The following RIPPLY3 variants were observed in gnomAD, a reference collection of about 807,000 sequenced individuals.
The protein encoded by RIPPLY3 is ripply transcriptional repressor 3.
In RIPPLY3, 8 loss-of-function variants were observed where a neutral mutation model predicts 11.9. The ratio of observed to expected loss-of-function variants is 0.67; its 90% confidence interval spans 0.40 to 1.21. The LOEUF (loss-of-function observed/expected upper bound fraction) is 1.21, where lower values mean the gene tolerates loss of function less well. RIPPLY3 is among the 50% of genes most tolerant of loss of function. The pLI, the probability that RIPPLY3 is intolerant of heterozygous loss-of-function variation, is 0.01. For synonymous variants in RIPPLY3, 102 were observed against 99.0 expected (o/e 1.03, Z -0.18); for missense variants, 271 against 246.0 (o/e 1.10, Z -0.68).
At position 37,017,897 on chromosome 21, in the gene RIPPLY3, G is replaced by C. The variant is rs531371582; in HGVS notation, c.263G>C (p.Arg88Pro). 6.2e-7 allele frequency: 1 copy of C among 1,613,302 alleles called. No homozygotes were observed. Among genetic ancestry groups the C allele is most frequent in the Non-Finnish European group, 8.5e-7 (1 of 1,179,626 alleles). The change falls in exon 4 of 4, where the codon CGT becomes CCT. Residue 88 changes from arginine to proline, a missense_variant. Physicochemically the swap from Arg to Pro is moderately radical, Grantham distance 103 (BLOSUM62 -2). Transcript: ENST00000329553. ...PVRVYLPMSK[R>P]QEYLRSSGEQ... is the part of the protein sequence containing the mutation. The stretch of plus-strand genomic sequence containing the variant: ...AGAGTCTATTTACCCATGTCAAAGC[G>C]TCAAGAATACCTGCGGAGTTCCGGG...
At chr21:37,008,663 C>T (rs1401215805) in intron 2 of RIPPLY3, among the ~76,000 whole-genome samples, 2 of 146,446 alleles carry the variant, frequency 1.4e-5, no homozygotes, top group Non-Finnish European at 3.0e-5. Context: ...GAGGCCGAGG[C>T]AGGAGAATCG....
At position 37,018,409 on chromosome 21, in the gene RIPPLY3, T is replaced by C. The variant is rs1267850021; in HGVS notation, c.*202T>C. 2 of 581,724 alleles carry C rather than the reference T, an allele frequency of 3.4e-6. No individual in the cohort carries two copies. 36.0% of individuals were successfully genotyped at this position (581,724 alleles called of 1,614,324 possible). On this transcript the variant is annotated 3_prime_UTR_variant, in exon 4 of 4. Transcript: ENST00000329553. ...TGGCAATTCGTTTTTGGTGCACTCATGCATGCCTTTGAGAAAGGATTCTAG... is the reference window on the plus strand; with the variant it reads ...TGGCAATTCGTTTTTGGTGCACTCACGCATGCCTTTGAGAAAGGATTCTAG...
At chr21:37,015,226 C>T (rs990484110) in intron 3 of RIPPLY3, among the ~76,000 whole-genome samples, 16 of 151,816 alleles carry the variant, frequency 1.1e-4, no homozygotes, top group Admixed American at 6.6e-5. Context: ...TGCAGTGGCA[C>T]GATCTCGGCT....
chr21:37,006,829 C>A lies in RIPPLY3; in HGVS notation c.57C>A (p.Cys19Ter), dbSNP rs2069468963. 1 of 1,227,516 alleles carries A rather than the reference C, an allele frequency of 8.1e-7. No individual in the cohort carries two copies. The highest frequency in any genetic ancestry group is 1.0e-6 in the Non-Finnish European group (1 of 985,222). 76.0% of individuals were successfully genotyped at this position (1,227,516 alleles called of 1,614,324 possible). A position where few individuals can be genotyped will look rare whatever the true frequency, so the allele number is the denominator to read the frequency against. The change falls in exon 1 of 4, where the codon TGC becomes TGA. Residue 19 changes from cysteine to a stop codon, truncating the protein, a stop_gained. Transcript: ENST00000329553. LOFTEE classifies it high-confidence loss of function. This position sits in a 1 kb window ranked among gnomAD's most constrained non-coding sequence, Gnocchi z 5.2. ...AGGCGCGGGGGCGCGGCTGTCACTG[C>A]CCCGGGGACGCTCCCTGGAGGCCTC... ...ARKARGRGCH[C>*]PGDAPWRPPP...
intron 1 of RIPPLY3, among the ~76,000 whole-genome samples, chr21:37,007,732 T>A (rs540597379): frequency 1.3e-5 from 2 of 152,230 alleles, no homozygotes; most frequent in South Asian, 4.2e-4. Context: ...TGTTTGTTTT[T>A]CATCCTACAA....
Position 37,013,572 on chromosome 21 carries a change from C to T in RIPPLY3, c.193C>T (p.His65Tyr). 4.3e-6 allele frequency: 7 copies of T among 1,613,810 alleles called. No individual in the cohort carries two copies. Among genetic ancestry groups the T allele is most frequent in the Non-Finnish European group, 5.9e-6 (7 of 1,179,794 alleles). Residue 65 changes from histidine (H) to tyrosine (Y), a missense_variant, in exon 3 of 4, where the codon CAC (histidine) becomes TAC (tyrosine). By Grantham distance (83) the His-to-Tyr change is moderately conservative (BLOSUM62 2). Coordinates refer to ENST00000329553, the MANE Select transcript of RIPPLY3 (RefSeq NM_018962.3). ...GRPLEPRADQ[H>Y]TFGSKGAFGF... Reference sequence around the variant, plus strand: ...ACAGCTTGAACCTAGGGCTGACCAACACACTTTTGGATCAAAGGGAGCCTT... The same window carrying T: ...ACAGCTTGAACCTAGGGCTGACCAATACACTTTTGGATCAAAGGGAGCCTT...
Position 37,006,831 on chromosome 21 carries a change from C to T in RIPPLY3, c.59C>T (p.Pro20Leu), listed in dbSNP as rs374887334. 5.7e-6 allele frequency: 7 copies of T among 1,227,446 alleles called. No individual in the cohort carries two copies. In the East Asian group the frequency reaches 1.3e-4, roughly 23 times the overall value. The allele number at this position is 1,227,446 out of a possible 1,614,324, so 76.0% of individuals were successfully genotyped here. A position where few individuals can be genotyped will look rare whatever the true frequency, so the allele number is the denominator to read the frequency against. The change falls in exon 1 of 4, where the codon CCC becomes CTC. Residue 20 changes from proline (P) to leucine (L), a missense_variant. Transcript: ENST00000329553. The surrounding 1 kb of genome is among the most constrained non-coding windows in gnomAD (Gnocchi z 5.2). ...RKARGRGCHC[P>L]GDAPWRPPPP... The stretch of plus-strand genomic sequence containing the variant: ...GCGCGGGGGCGCGGCTGTCACTGCC[C>T]CGGGGACGCTCCCTGGAGGCCTCCG...
Position 37,012,330 on chromosome 21 carries a change from C to T in RIPPLY3, c.172-1221C>T, listed in dbSNP as rs1281020728. On this transcript the variant is annotated intron_variant, in intron 2 of 3. Transcript: ENST00000329553. ...TCAGCTCACTGCAACCTCCGCTTCC[C>T]GGGTTCAGGCGATTCTCCTGCCTCA... is the stretch of plus-strand genomic sequence containing the variant. Among the ~76,000 whole-genome samples, 11 of 151,786 alleles carry T rather than the reference C, an allele frequency of 7.2e-5. No individual in the cohort carries two copies. The East Asian group carries it at 7.7e-4, about 11-fold the overall frequency.
At chr21:37,013,394 C>T (rs1040076938) in intron 2 of RIPPLY3, among the ~76,000 whole-genome samples, 157 bp from the exon 3 acceptor site, 7 of 152,122 alleles carry the variant, frequency 4.6e-5, no homozygotes, top group African/African-American at 1.7e-4. Flanking sequence ...AACAGGAACA[C>T]GGGCTTATCG....
intron 2 of RIPPLY3, among the ~76,000 whole-genome samples, chr21:37,011,487 G>A (rs548822641): frequency 1.3e-5 from 2 of 152,360 alleles, no homozygotes; most frequent in East Asian, 1.9e-4. Flanking sequence ...CCAAATAGCC[G>A]TTAGCAGGGC....
rs971303333 is a variant in RIPPLY3, at chr21:37,019,034, G to T, written c.*827G>T. Reference sequence around the variant, plus strand: ...TATTAAAAAAAAATTTTTTTAACCCGCCGAATAATTCCCATAAGAGTAACA... The same window carrying T: ...TATTAAAAAAAAATTTTTTTAACCCTCCGAATAATTCCCATAAGAGTAACA... On this transcript the variant is annotated 3_prime_UTR_variant, in exon 4 of 4. Transcript: ENST00000329553. 1 of 151,360 alleles carries T rather than the reference G, an allele frequency of 6.6e-6. No homozygotes were observed. Among genetic ancestry groups the T allele is most frequent in the Non-Finnish European group, 1.5e-5 (1 of 67,932 alleles). The allele number at this position is 151,360 out of a possible 1,614,324, so 9.4% of individuals were successfully genotyped here.
chr21:37,007,759 C>T (rs1343781241), intron 1 of RIPPLY3, among the ~76,000 whole-genome samples: 1 of 152,106 alleles, frequency 6.6e-6, no homozygotes, highest in Non-Finnish European at 1.5e-5. Context: ...AAAATCATCT[C>T]TGTAGAATCA....
chr21:37,011,975 A>T (rs2069527300), intron 2 of RIPPLY3, among the ~76,000 whole-genome samples: 2 of 149,296 alleles, frequency 1.3e-5, no homozygotes, highest in Non-Finnish European at 3.0e-5. Context: ...GGAAAATGTA[A>T]TGTCTGCAGA....
chr21:37,016,738 T>TGGGAGA (rs1269646909), intron 3 of RIPPLY3, among the ~76,000 whole-genome samples: 1 of 152,008 alleles, frequency 6.6e-6, no homozygotes, highest in East Asian at 1.9e-4. Flanking sequence ...GAGGTTCAGG[T>TGGGAGA]GGGAGATGCT....
intron 2 of RIPPLY3, among the ~76,000 whole-genome samples, chr21:37,010,133 C>A (rs531909317): frequency 1.8e-4 from 28 of 152,282 alleles, no homozygotes; most frequent in African/African-American, 6.7e-4. Flanking sequence ...GCTGGAGTGG[C>A]GGTGAAGAGG....
At chr21:37,008,756 C>CAA (rs71198845) in intron 2 of RIPPLY3, among the ~76,000 whole-genome samples, 891 of 81,484 alleles carry the variant, frequency 0.011, 14 homozygotes, top group African/African-American at 0.028. Context: ...AGACTCATCT[C>CAA]AAAAAAAAAA....
chr21:37,006,228 C>T (rs1202320183), upstream of RIPPLY3: 1 of 152,722 alleles, frequency 6.5e-6, no homozygotes, highest in Non-Finnish European at 1.5e-5. The surrounding 1 kb of genome is among the most constrained non-coding windows in gnomAD (Gnocchi z 5.2). Flanking sequence ...AGGGGAAGCC[C>T]AGCAGGTGAG....
intron 1 of RIPPLY3, 126 bp downstream of exon 1, chr21:37,007,002 G>C (rs2069471375): frequency 1.9e-6 from 1 of 534,800 alleles, no homozygotes; most frequent in Non-Finnish European, 2.8e-6. Flanking sequence ...TCCGGAGCTC[G>C]ACGGCGACGC....
chr21:37,007,152 CAGTT>C (rs1486751246), intron 1 of RIPPLY3, among the ~76,000 whole-genome samples: 1 of 152,172 alleles, frequency 6.6e-6, no homozygotes, highest in Admixed American at 6.5e-5. Context: ...GAGGAGATCT[CAGTT>C]AGCCAGCCGG....
Sources: gnomAD v4.1 joint callset for allele counts (sites outside exome capture counted in the v4.1 genomes callset) on GRCh38, gnomAD v4.1.1 for gene constraint, Gnocchi (gnomAD v3.1) non-coding constraint, MANE v1.5 for transcripts, NCBI Gene and HGNC (gene_info 2026-07-23, HGNC 2026-07-21) for gene names.